Variants in GNB4 observed in about 807,000 individuals in gnomAD.
The protein encoded by GNB4 is G protein subunit beta 4.
Under a neutral mutation model 45.2 loss-of-function variants are expected in GNB4, and 28 were observed. The ratio of observed to expected loss-of-function variants is 0.62; its 90% CI spans 0.46 to 0.85. GNB4 has a LOEUF of 0.85. Ranked by LOEUF, GNB4 falls within the 40% of genes least tolerant of loss-of-function variation. GNB4 has a pLI of 0.00. For synonymous variants in GNB4, 132 were observed against 143.7 expected, an observed-to-expected ratio of 0.92 and a Z score of 0.58; for missense variants, 321 against 425.4, an observed-to-expected ratio of 0.75 and a Z score of 2.16.
the GNB4 span, among the ~76,000 whole-genome samples, chr3:179,481,000 G>A: frequency 1.3e-5 from 2 of 151,742 alleles, no homozygotes; most frequent in Non-Finnish European, 2.9e-5. Context: ...ACAGGCGCCC[G>A]CCACCACGCC....
intron 1 of GNB4, among the ~76,000 whole-genome samples, chr3:179,444,687 G>A (rs1228434804): frequency 1.3e-5 from 2 of 152,126 alleles, no homozygotes; most frequent in African/African-American, 2.4e-5. Context: ...ACTCCAGTCT[G>A]TGTGACAGAG....
At chr3:179,473,472 G>T in the GNB4 span, among the ~76,000 whole-genome samples, 3 of 151,480 alleles carry the variant, frequency 2.0e-5, no homozygotes, top group Non-Finnish European at 2.9e-5. Flanking sequence ...GTCTCACTTT[G>T]TCACCCAGGC....
intron 1 of GNB4, among the ~76,000 whole-genome samples, chr3:179,430,336 C>A (rs7611533): frequency 1.3e-4 from 20 of 152,106 alleles, no homozygotes; most frequent in African/African-American, 3.1e-4. Context: ...CGATCCCCCC[C>A]ACCTGAGCTT....
chr3:179,406,162 T>C (rs1296850343), intron 8 of GNB4, among the ~76,000 whole-genome samples: 1 of 152,224 alleles, frequency 6.6e-6, no homozygotes. Flanking sequence ...TATAGTAATA[T>C]TACTACAGAT....
intron 1 of GNB4, among the ~76,000 whole-genome samples, chr3:179,430,473 G>A (rs767154628): frequency 2.2e-4 from 33 of 151,606 alleles, no homozygotes; most frequent in Admixed American, 6.6e-4. Flanking sequence ...TTCATTCTGA[G>A]ACAGGGTGTC....
intron 1 of GNB4, among the ~76,000 whole-genome samples, chr3:179,434,333 A>G (rs1028677576): frequency 6.6e-6 from 1 of 152,020 alleles, no homozygotes; most frequent in Non-Finnish European, 1.5e-5. Flanking sequence ...TATTGGGAGG[A>G]AAAAAAAGCA....
chr3:179,423,540 T>C (rs1715055729), intron 2 of GNB4, among the ~76,000 whole-genome samples: 3 of 152,150 alleles, frequency 2.0e-5, no homozygotes, highest in African/African-American at 7.2e-5. Flanking sequence ...TCCCAGCACT[T>C]TGGGAGGCCG....
At chr3:179,453,908 G>A (rs1205780071), upstream of GNB4, among the ~76,000 whole-genome samples, 1 of 151,842 alleles carries the variant, frequency 6.6e-6, no homozygotes, top group African/African-American at 2.4e-5. Context: ...TCTGAAAGTG[G>A]AGCTGATTAA....
upstream of GNB4, among the ~76,000 whole-genome samples, chr3:179,452,809 A>G (rs1559985233): frequency 6.6e-6 from 1 of 152,228 alleles, no homozygotes; most frequent in Non-Finnish European, 1.5e-5. Flanking sequence ...TATTCTGCAT[A>G]TCAAAGTGTC....
chr3:179,494,030 A>G, the GNB4 span, among the ~76,000 whole-genome samples: 1 of 152,332 alleles, frequency 6.6e-6, no homozygotes, highest in Admixed American at 6.5e-5. Context: ...GTTGGACTTC[A>G]TGCTACTGTC....
chr3:179,478,672 G>A, the GNB4 span, among the ~76,000 whole-genome samples: 1 of 152,096 alleles, frequency 6.6e-6, no homozygotes, highest in Non-Finnish European at 1.5e-5. Flanking sequence ...AGCCTCCTGA[G>A]TAGCTAGGAC....
intron 1 of GNB4, chr3:179,438,008 G>C (rs1319315067): frequency 1.3e-5 from 2 of 152,208 alleles, no homozygotes; most frequent in African/African-American, 2.4e-5. Flanking sequence ...GGAGGTCGAG[G>C]CTGCAGTGAG....
chr3:179,502,216 A>G, the GNB4 span, among the ~76,000 whole-genome samples: 1 of 107,278 alleles, frequency 9.3e-6, no homozygotes, highest in South Asian at 2.9e-4. Flanking sequence ...ATTCTGAGCT[A>G]TTTTTTCTTT....
intron 9 of GNB4, among the ~76,000 whole-genome samples, chr3:179,404,780 A>G (rs1714414697): frequency 6.6e-6 from 1 of 152,174 alleles, no homozygotes; most frequent in Non-Finnish European, 1.5e-5. Flanking sequence ...GCTGCAGAGG[A>G]GGACTCAGGG....
intron 1 of GNB4, among the ~76,000 whole-genome samples, chr3:179,441,068 T>C: frequency 6.6e-6 from 1 of 152,198 alleles, no homozygotes; most frequent in East Asian, 1.9e-4. Context: ...ATCTAAATCA[T>C]CATGTGATTC....
chr3:179,469,761 T>C, the GNB4 span, among the ~76,000 whole-genome samples: 1 of 152,198 alleles, frequency 6.6e-6, no homozygotes, highest in Non-Finnish European at 1.5e-5. Context: ...GTGTTACTCA[T>C]TTGAATTTCT....
chr3:179,432,992 T>G (rs1715348872), intron 1 of GNB4, among the ~76,000 whole-genome samples: 1 of 152,206 alleles, frequency 6.6e-6, no homozygotes, highest in Non-Finnish European at 1.5e-5. Context: ...CCAGGCGGAC[T>G]AACTGCAGCA....
the GNB4 span, among the ~76,000 whole-genome samples, chr3:179,517,773 C>T: frequency 1.1e-4 from 16 of 152,292 alleles, no homozygotes; most frequent in South Asian, 2.1e-4. Flanking sequence ...CAAGGAGACA[C>T]GTTTTATCCG....
the GNB4 span, chr3:179,465,083 GCA>G: frequency 6.9e-7 from 1 of 1,459,030 alleles, no homozygotes; most frequent in Non-Finnish European, 9.6e-7. Flanking sequence ...TACAATTCTT[GCA>G]GATATTGTAA....
Sources: allele counts gnomAD v4.1 joint callset (sites outside exome capture counted in the v4.1 genomes callset), GRCh38; gene constraint gnomAD v4.1.1; transcripts MANE v1.5; gene names NCBI Gene and HGNC (gene_info 2026-07-23, HGNC 2026-07-21).